TTLL5: variants seen among roughly 807,000 people sequenced by gnomAD.
The protein encoded by TTLL5 is tubulin tyrosine ligase like 5.
In TTLL5, 132 loss-of-function variants were observed where a neutral mutation model predicts 168.4. The ratio of observed to expected loss-of-function variants is 0.78; its 90% confidence interval spans 0.68 to 0.91. The LOEUF is 0.91. Ranked by LOEUF, TTLL5 falls within the 40% of genes least tolerant of loss-of-function variation. The pLI is 0.00. For synonymous variants in TTLL5, 546 were observed against 558.6 expected, an observed-to-expected ratio of 0.98 and a Z score of 0.32; for missense variants, 1,545 against 1,581.5, an observed-to-expected ratio of 0.98 and a Z score of 0.39.
At chr14:75,872,432 A>T (rs147484138) in intron 29 of TTLL5, among the ~76,000 whole-genome samples, 54 of 152,312 alleles carry the variant, frequency 3.5e-4, no homozygotes, top group African/African-American at 1.3e-3. Context: ...CTTAAATCAT[A>T]CTCCATGGGT....
chr14:75,941,843 CTTTTTTTTTT>C (rs71122506), intron 31 of TTLL5, among the ~76,000 whole-genome samples: 7 of 69,404 alleles, frequency 1.0e-4, no homozygotes, highest in African/African-American at 1.8e-4. Flanking sequence ...TCATGATGAA[CTTTTTTTTTT>C]TTTTTTTTTT....
intron 28 of TTLL5, among the ~76,000 whole-genome samples, chr14:75,833,240 T>C (rs1308295094): frequency 6.6e-6 from 1 of 152,184 alleles, no homozygotes; most frequent in Non-Finnish European, 1.5e-5. Context: ...AGTTCTGACC[T>C]TTCATCCAGA....
intron 29 of TTLL5, among the ~76,000 whole-genome samples, chr14:75,880,635 G>C (rs988263734): frequency 2.0e-5 from 3 of 152,196 alleles, no homozygotes; most frequent in African/African-American, 7.2e-5. Flanking sequence ...GGGGCAGCCT[G>C]TTCCTGTGTC....
Position 75,820,114 on chromosome 14 carries a change from G to C in TTLL5, c.3279G>C (p.Gln1093His). 1 of 1,602,228 alleles carries C rather than the reference G, an allele frequency of 6.2e-7. No homozygotes were observed. The highest frequency in any genetic ancestry group is 1.1e-5 in the South Asian group (1 of 89,082). ...ISPSGPTWST[Q>H]SDPQAPENHS... ...CTAGTGGCCCGACATGGTCTACACA[G>C]TCAGACCCCCAAGCTCCCGAGAATC... The change falls in exon 28 of 32, where the codon CAG becomes CAC. Residue 1093 changes from glutamine (Q) to histidine (H), a missense_variant. By Grantham distance (24) the Gln-to-His change is conservative. Coordinates refer to ENST00000298832, the MANE Select transcript of TTLL5 (RefSeq NM_015072.5).
intron 26 of TTLL5, among the ~76,000 whole-genome samples, chr14:75,786,459 G>T (rs74869719): frequency 0.012 from 1,830 of 152,046 alleles, 35 homozygotes; most frequent in African/African-American, 0.042. Context: ...TTAATTTTCA[G>T]GTAGTTGGGA....
chr14:75,738,591 A>G (rs558973695), intron 15 of TTLL5, among the ~76,000 whole-genome samples: 2 of 152,320 alleles, frequency 1.3e-5, no homozygotes, highest in South Asian at 4.1e-4. Context: ...AAACTCTATA[A>G]TATGTAGTAT....
chr14:75,887,853 A>G (rs9888546), intron 30 of TTLL5, among the ~76,000 whole-genome samples: 132,148 of 152,252 alleles, frequency 0.87, 57,440 homozygotes, highest in East Asian at 0.92. Context: ...ACCAGGAAAT[A>G]CTGAAAATGA....
chr14:75,873,934 T>A (rs2139993827), intron 29 of TTLL5, among the ~76,000 whole-genome samples: 1 of 152,322 alleles, frequency 6.6e-6, no homozygotes, highest in Admixed American at 6.5e-5. Flanking sequence ...CCAAGGCTCA[T>A]TAAGTATTAA....
Position 75,936,809 on chromosome 14 carries a change from G to T in TTLL5, c.3824-17615G>T, listed in dbSNP as rs373226789. On this transcript the variant is annotated intron_variant, in intron 31 of 31. Transcript: ENST00000298832. ...TTTGTAGCCTGGCAGTAATAGCTTG[G>T]TTGGAATAGAAGAAGTGGGGAGCAA... 1.5e-3 allele frequency among the ~76,000 whole-genome samples: 224 copies of T among 152,286 alleles called. 4 individuals carry two copies. The South Asian group carries it at 0.026, about 18-fold the overall frequency.
At chr14:75,792,265 C>G (rs1403391974) in intron 26 of TTLL5, among the ~76,000 whole-genome samples, 3 of 150,304 alleles carry the variant, frequency 2.0e-5, no homozygotes, top group Non-Finnish European at 4.4e-5. Flanking sequence ...GGAGATATAC[C>G]TAATGTAAAT....
intron 21 of TTLL5, among the ~76,000 whole-genome samples, chr14:75,773,967 G>GAGAGAGAGAAAGAGAGAA (rs1891551595): frequency 9.8e-6 from 1 of 101,568 alleles, no homozygotes; most frequent in African/African-American, 4.0e-5. Flanking sequence ...AAGAGAGAGA[G>GAGAGAGAGAAAGAGAGAA]AGAGAGAGAG....
intron 31 of TTLL5, among the ~76,000 whole-genome samples, chr14:75,925,678 A>C (rs1184342245): frequency 2.0e-5 from 3 of 151,994 alleles, no homozygotes; most frequent in African/African-American, 7.3e-5. Flanking sequence ...CAATCTCGGC[A>C]CTTTGGGAGG....
At chr14:75,905,297 A>G (rs189855579) in intron 31 of TTLL5, among the ~76,000 whole-genome samples, 55 of 152,326 alleles carry the variant, frequency 3.6e-4, no homozygotes, top group Admixed American at 2.4e-3. Flanking sequence ...TCTGTTTTCT[A>G]GTTCCTTAAT....
At chr14:75,828,647 A>C (rs1444129216) in intron 28 of TTLL5, among the ~76,000 whole-genome samples, 3 of 152,196 alleles carry the variant, frequency 2.0e-5, no homozygotes, top group Admixed American at 2.0e-4. Context: ...TCAAGGGTCA[A>C]CTGTACATTC....
At chr14:75,770,316 T>C (rs1442079123) in intron 20 of TTLL5, among the ~76,000 whole-genome samples, 1 of 151,940 alleles carries the variant, frequency 6.6e-6, no homozygotes, top group African/African-American at 2.4e-5. Flanking sequence ...TGTATTAAAC[T>C]CTCAAAAGCA....
At chr14:75,947,409 C>T (rs1349197544) in intron 31 of TTLL5, among the ~76,000 whole-genome samples, 3 of 152,130 alleles carry the variant, frequency 2.0e-5, no homozygotes, top group African/African-American at 7.2e-5. Flanking sequence ...AAGAGGGTCA[C>T]TACATTATGG....
rs143044625 is a variant in TTLL5, at chr14:75,909,097, C to T, written c.3823+6873C>T. Among the ~76,000 whole-genome samples the T allele has an allele frequency of 1.1e-4, 16 of 151,870 alleles. 1 individual carries two copies. In the East Asian group the frequency reaches 2.9e-3, roughly 28 times the overall value. On this transcript the variant is annotated intron_variant, in intron 31 of 31. Coordinates refer to ENST00000298832, the MANE Select transcript of TTLL5 (RefSeq NM_015072.5). ...CTGGCCATTTTCTGTATTCTTAGTG[C>T]CCTGGCATTTGGGATCCTTGCAGGC... is the stretch of plus-strand genomic sequence containing the variant.
intron 30 of TTLL5, among the ~76,000 whole-genome samples, chr14:75,885,379 C>G (rs371262810): frequency 2.0e-5 from 3 of 151,736 alleles, no homozygotes; most frequent in African/African-American, 7.3e-5. Flanking sequence ...GTAGTCCCAG[C>G]TACTTGGGCG....
chr14:75,663,374 C>T, intron 2 of TTLL5, 151 bp downstream of exon 2: 1 of 778,194 alleles, frequency 1.3e-6, no homozygotes, highest in South Asian at 1.8e-5. Context: ...CTGGTTTTAG[C>T]TTCTATCCAT....
Sources: allele counts gnomAD v4.1 joint callset (sites outside exome capture counted in the v4.1 genomes callset), GRCh38; gene constraint gnomAD v4.1.1; transcripts MANE v1.5; gene names NCBI Gene and HGNC (gene_info 2026-07-23, HGNC 2026-07-21).